The following COL18A1 variants were observed in gnomAD, a reference collection of about 807,000 sequenced individuals.
COL18A1 encodes the protein collagen type XVIII alpha 1 chain, also known as collagen alpha-1(XVIII) chain.
In COL18A1, 133 loss-of-function variants were observed where a neutral mutation model predicts 168.0. The ratio of observed to expected loss-of-function variants is 0.79; its 90% CI spans 0.69 to 0.91. COL18A1 has a LOEUF of 0.91. Ranked by LOEUF, COL18A1 falls within the 40% of genes least tolerant of loss-of-function variation. The probability of loss-of-function intolerance (pLI) is 0.00; values close to 1 mark genes in which losing one functional copy is unlikely to be tolerated. For missense variants in COL18A1, 2,126 were observed against 1,925.4 expected (o/e 1.10, Z -1.95); for synonymous variants, 949 against 809.0 (o/e 1.17, Z -2.94).
chr21:45,441,852 C>T (rs2034378337), intron 2 of COL18A1, among the ~76,000 whole-genome samples: 1 of 152,218 alleles, frequency 6.6e-6, no homozygotes, highest in Non-Finnish European at 1.5e-5. Context: ...ACGGCTCTCT[C>T]CATAAAGGAG....
Position 45,498,329 on chromosome 21 carries a change from C to T in COL18A1, c.2683+668C>T, listed in dbSNP as rs1010652746. ...TCGCCGCCACGGTCCCCTCTCGCCG[C>T]CAGGGTCCCCTCTCACCGCCAGGGT... On this transcript the variant is annotated intron_variant, in intron 32 of 41. Transcript: ENST00000651438. This position sits in a 1 kb window ranked among gnomAD's most constrained non-coding sequence, Gnocchi z 4.5. The T allele has an allele frequency of 9.2e-6, 6 of 654,850 alleles. No homozygotes were observed. The highest frequency in any genetic ancestry group is 1.7e-5 in the Non-Finnish European group (6 of 354,436). The allele number at this position is 654,850 out of a possible 1,614,324, so 40.6% of individuals were successfully genotyped here. A position where few individuals can be genotyped will look rare whatever the true frequency, so the allele number is the denominator to read the frequency against.
Position 45,482,828 on chromosome 21 carries a change from G to A in COL18A1, c.1701+7G>A, listed in dbSNP as rs755676795. On this transcript the variant is annotated splice_region_variant and intron_variant, in intron 15 of 41. Coordinates refer to ENST00000651438, the MANE Select transcript of COL18A1 (RefSeq NM_001379500.1). ...AGGCGCCCCAGGACATAAGGTACAA[G>A]CAGAATCCCTGGCACATCAGTCCCC... 54 of 1,614,188 alleles carry A rather than the reference G, an allele frequency of 3.3e-5. No individual in the cohort carries two copies. Among genetic ancestry groups the A allele is most frequent in the Non-Finnish European group, 4.1e-5 (48 of 1,180,036 alleles).
chr21:45,496,341 A>G, intron 29 of COL18A1, 159 bp from the exon 30 acceptor site: 1 of 722,038 alleles, frequency 1.4e-6, no homozygotes, highest in Non-Finnish European at 2.6e-6. Flanking sequence ...GTCCTCAGGG[A>G]GCCGTGGCCC....
In COL18A1 at chr21:45,494,662, C is replaced by T. The variant is rs1556331; in HGVS notation, c.2379+91C>T. The T allele has an allele frequency of 0.1, 162,911 of 1,568,010 alleles. 9,659 individuals are homozygous for T. Among genetic ancestry groups the T allele is most frequent in the African/African-American group, 0.23 (17,108 of 74,202 alleles). On this transcript the variant is annotated intron_variant, in intron 27 of 41. Transcript: ENST00000651438. ...CCGCGGCTGCTGAGCTTGTGCTGTG[C>T]GGCCCAGGGCTCATCTCCCTAGTGC...
intron 2 of COL18A1, among the ~76,000 whole-genome samples, chr21:45,431,841 G>A (rs939460979): frequency 4.6e-5 from 7 of 152,140 alleles, no homozygotes; most frequent in African/African-American, 9.7e-5. Flanking sequence ...TCAGCTCCTC[G>A]GGGTACAGCG....
intron 14 of COL18A1, chr21:45,482,265 C>T (rs955456359): frequency 4.7e-6 from 3 of 636,116 alleles, no homozygotes; most frequent in African/African-American, 1.8e-5. Context: ...CATGGGCACC[C>T]TGCGAGATCT....
chr21:45,469,154 G>A lies in COL18A1; in HGVS notation c.651+368G>A, dbSNP rs913140886. Among the ~76,000 whole-genome samples, 45 of 152,202 alleles carry A rather than the reference G, an allele frequency of 3.0e-4. 1 individual carries two copies. The highest frequency in any genetic ancestry group is 8.0e-4 in the African/African-American group (33 of 41,450). On this transcript the variant is annotated intron_variant, in intron 3 of 41. Coordinates refer to ENST00000651438, the MANE Select transcript of COL18A1 (RefSeq NM_001379500.1). ...AGACATCCACCCCAGCCGTGACCCC[G>A]TGACCCAGAGACACCCCCAGGCCTG...
chr21:45,480,647 A>G (rs563574123), intron 12 of COL18A1, 53 bp from the exon 13 acceptor site: 2 of 1,611,492 alleles, frequency 1.2e-6, no homozygotes, highest in African/African-American at 2.7e-5. Context: ...GGTGGTGGTC[A>G]TCCCTGGTGG....
chr21:45,511,610 T>C (rs2037612220), intron 41 of COL18A1, among the ~76,000 whole-genome samples: 1 of 152,052 alleles, frequency 6.6e-6, no homozygotes, highest in African/African-American at 2.4e-5. Flanking sequence ...CCTTAAAATG[T>C]TGACAGAAAT....
In COL18A1 at chr21:45,510,127, T is replaced by G. The variant is rs764313941; in HGVS notation, c.3559T>G (p.Phe1187Val). ...GGMRGIRGAD[F>V]QCFQQARAVG... ...CATGCGGGGCATCCGCGGGGCCGAC[T>G]TCCAGTGCTTCCAGCAGGCGCGGGC... Residue 1187 changes from phenylalanine to valine, a missense_variant, in exon 40 of 42, where the codon TTC becomes GTC. Phe to Val is a conservative substitution (Grantham distance 50). Transcript: ENST00000651438. 1 of 1,599,998 alleles carries G rather than the reference T, an allele frequency of 6.3e-7. No homozygotes were observed. Among genetic ancestry groups the G allele is most frequent in the South Asian group, 1.1e-5 (1 of 89,262 alleles).
chr21:45,428,241 C>T (rs11911327), intron 2 of COL18A1, among the ~76,000 whole-genome samples: 5,993 of 152,174 alleles, frequency 0.039, 318 homozygotes, highest in East Asian at 0.19. Context: ...GCCTCAAAGA[C>T]GCAGCGCTGT....
Position 45,405,481 on chromosome 21 carries a change from C to G in COL18A1, c.106+8C>G. On this transcript the variant is annotated splice_region_variant and intron_variant, in intron 2 of 41. Coordinates refer to ENST00000651438, the MANE Select transcript of COL18A1 (RefSeq NM_001379500.1). ...CGGCCTCCGCGGAGCCAGGTAAGAC[C>G]CGGGCGGGACGGGAAGGTTCGCGCC... 8 of 1,357,748 alleles carry G rather than the reference C, an allele frequency of 5.9e-6. No homozygotes were observed. Among genetic ancestry groups the G allele is most frequent in the African/African-American group, 3.0e-5 (2 of 66,108 alleles). The allele number at this position is 1,357,748 out of a possible 1,614,324, so 84.1% of individuals were successfully genotyped here.
chr21:45,483,215 C>T (rs1467365626), intron 15 of COL18A1, among the ~76,000 whole-genome samples: 1 of 152,036 alleles, frequency 6.6e-6, no homozygotes, highest in African/African-American at 2.4e-5. Context: ...CTGGGGAGGG[C>T]CCTGAGCTGG....
intron 2 of COL18A1, among the ~76,000 whole-genome samples, chr21:45,441,202 C>A (rs111586583): frequency 2.8e-4 from 42 of 152,340 alleles, no homozygotes; most frequent in African/African-American, 1.0e-3. Context: ...CTCCCCTACA[C>A]ACAGAGGCTG....
intron 2 of COL18A1, among the ~76,000 whole-genome samples, chr21:45,464,101 C>G (rs2035125143): frequency 1.3e-5 from 2 of 152,160 alleles, no homozygotes; most frequent in South Asian, 4.1e-4. Flanking sequence ...CTCTAGCTCT[C>G]AGGAAGAGAC....
chr21:45,433,504 G>A (rs28557346), intron 2 of COL18A1, among the ~76,000 whole-genome samples: 22,473 of 152,184 alleles, frequency 0.15, 2,086 homozygotes, highest in African/African-American at 0.26. Flanking sequence ...GGTCTCGGGT[G>A]GATTCAGGTT....
intron 2 of COL18A1, among the ~76,000 whole-genome samples, chr21:45,450,364 G>A (rs892507157): frequency 1.3e-5 from 2 of 152,166 alleles, no homozygotes; most frequent in African/African-American, 2.4e-5. Flanking sequence ...GGAGACCCGC[G>A]GAGAGGCAGC....
chr21:45,436,836 T>A, intron 2 of COL18A1, among the ~76,000 whole-genome samples: 1 of 105,716 alleles, frequency 9.5e-6, no homozygotes, highest in South Asian at 3.4e-4. Context: ...GCTGGGGGAG[T>A]GCCGTGCCTG....
Position 45,505,427 on chromosome 21 carries a change from CAG to C in COL18A1, c.3084_3085del (p.Val1030GlufsTer56). 1 of 1,542,344 alleles carries C rather than the reference CAG, an allele frequency of 6.5e-7. No homozygotes were observed. The highest frequency in any genetic ancestry group is 8.9e-7 in the Non-Finnish European group (1 of 1,126,700). On this transcript the variant is annotated frameshift_variant and splice_region_variant, in exon 36 of 42. Coordinates refer to ENST00000651438, the MANE Select transcript of COL18A1 (RefSeq NM_001379500.1). LOFTEE classifies it high-confidence loss of function. ...CCCCCTGGAACCATGGGCGCCTCCT[CAG>C]GGGTAAGTGTCTGGGCAGCCGGCTG...
Sources: allele counts gnomAD v4.1 joint callset (sites outside exome capture counted in the v4.1 genomes callset), GRCh38; gene constraint gnomAD v4.1.1; non-coding constraint Gnocchi (gnomAD v3.1); transcripts MANE v1.5; gene names NCBI Gene and HGNC (gene_info 2026-07-23, HGNC 2026-07-21).